The following NLGN1 variants were observed in gnomAD, a reference collection of about 807,000 sequenced individuals.
The protein encoded by NLGN1 is neuroligin-1.
A neutral mutation model predicts 65.5 loss-of-function variants in NLGN1; 12 were observed. That is an observed-to-expected ratio of 0.18 (90% confidence interval 0.12 to 0.30). The LOEUF is 0.30. Among genes scored for constraint, NLGN1 ranks in the 10% least tolerant of loss-of-function variants. The probability of loss-of-function intolerance (pLI) is 1.00; values close to 1 mark genes in which losing one functional copy is unlikely to be tolerated. For missense variants in NLGN1, 750 were observed against 1,007.1 expected (o/e 0.74, Z 3.46); for synonymous variants, 350 against 359.5 (o/e 0.97, Z 0.30).
chr3:173,797,716 C>G (rs1343856149), intron 3 of NLGN1, among the ~76,000 whole-genome samples: 1 of 138,782 alleles, frequency 7.2e-6, no homozygotes, highest in Non-Finnish European at 1.6e-5. Context: ...AAACAAGAAA[C>G]AAACAAGCAA....
At chr3:173,412,311 G>GACACACAC (rs71162345) in intron 1 of NLGN1, among the ~76,000 whole-genome samples, 9,232 of 147,580 alleles carry the variant, frequency 0.063, 654 homozygotes, top group East Asian at 0.4. Context: ...CTCTCACTCT[G>GACACACAC]ACACACACAC....
intron 4 of NLGN1, among the ~76,000 whole-genome samples, chr3:174,076,033 G>A (rs1293754652): frequency 2.0e-5 from 3 of 151,934 alleles, no homozygotes; most frequent in Non-Finnish European, 4.4e-5. Flanking sequence ...CATTCAATTA[G>A]CTCATAATTG....
intron 4 of NLGN1, among the ~76,000 whole-genome samples, chr3:174,151,023 C>CT (rs11363123): frequency 6.0e-4 from 90 of 151,042 alleles, no homozygotes; most frequent in African/African-American, 2.0e-3. Context: ...GGTTCATAGA[C>CT]TTTTTTTTTC....
chr3:173,412,347 G>A (rs1484436126), intron 1 of NLGN1, among the ~76,000 whole-genome samples: 1 of 130,466 alleles, frequency 7.7e-6, no homozygotes, highest in Middle Eastern at 3.4e-3. Context: ...CACACACAGT[G>A]TGCACACATA....
At chr3:173,417,996 T>C (rs1714139760) in intron 1 of NLGN1, among the ~76,000 whole-genome samples, 1 of 151,644 alleles carries the variant, frequency 6.6e-6, no homozygotes, top group African/African-American at 2.4e-5. Flanking sequence ...CAGAATTCTG[T>C]CATCACAAGG....
rs573572912 is a variant in NLGN1 at position 173,469,146 on chromosome 3, A to G, written c.-321+34068A>G. Among the ~76,000 whole-genome samples the G allele has an allele frequency of 9.5e-4, 144 of 152,278 alleles. 1 individual carries two copies. The highest frequency in any genetic ancestry group is 3.4e-3 in the Middle Eastern group (1 of 294). The stretch of plus-strand genomic sequence containing the variant: ...ATAATACACTATTGATACTTCTTGT[A>G]AAGCCTTAATTTTTAAATTTTTTCC... On this transcript the variant is annotated intron_variant, in intron 2 of 6. Coordinates refer to ENST00000457714, the Ensembl canonical transcript of NLGN1.
At chr3:173,491,810 A>T (rs2149014503) in intron 2 of NLGN1, among the ~76,000 whole-genome samples, 1 of 151,834 alleles carries the variant, frequency 6.6e-6, no homozygotes, top group Admixed American at 6.6e-5. Context: ...ATCTGCTCCT[A>T]ATTTAGCTCC....
chr3:173,782,385 A>T (rs1485723019), intron 3 of NLGN1, among the ~76,000 whole-genome samples: 1 of 152,232 alleles, frequency 6.6e-6, no homozygotes, highest in African/African-American at 2.4e-5. Context: ...ACCTCTCAAG[A>T]TACTTTTACC....
chr3:173,605,879 A>G (rs904965694), intron 3 of NLGN1, among the ~76,000 whole-genome samples: 1 of 152,218 alleles, frequency 6.6e-6, no homozygotes, highest in East Asian at 1.9e-4. Flanking sequence ...TACTTAGGCT[A>G]TTATGATACC....
At chr3:173,742,289 A>T (rs1302486029) in intron 3 of NLGN1, among the ~76,000 whole-genome samples, 2 of 152,152 alleles carry the variant, frequency 1.3e-5, no homozygotes, top group African/African-American at 2.4e-5. Flanking sequence ...GAGAACTCAG[A>T]TTCTCTTTTA....
At chr3:173,851,527 T>C (rs956876297) in intron 4 of NLGN1, among the ~76,000 whole-genome samples, 11 of 152,254 alleles carry the variant, frequency 7.2e-5, no homozygotes, top group African/African-American at 2.4e-4. Context: ...AGTGATCTTA[T>C]ACTTTCAAAA....
At chr3:173,950,706 G>A (rs1174240091) in intron 4 of NLGN1, among the ~76,000 whole-genome samples, 1 of 148,516 alleles carries the variant, frequency 6.7e-6, no homozygotes, top group Non-Finnish European at 1.5e-5. Flanking sequence ...CCAGCTACTC[G>A]GGAGGCTGAA....
intron 3 of NLGN1, among the ~76,000 whole-genome samples, chr3:173,691,838 A>G (rs970323183): frequency 6.6e-6 from 1 of 152,222 alleles, no homozygotes; most frequent in East Asian, 1.9e-4. Context: ...AAATGTTTTT[A>G]CTACTAAAGA....
intron 4 of NLGN1, among the ~76,000 whole-genome samples, chr3:174,235,964 T>C (rs1486187866): frequency 6.6e-6 from 1 of 152,200 alleles, no homozygotes; most frequent in Non-Finnish European, 1.5e-5. Context: ...GGCTTATTTA[T>C]TTACTCCTGT....
chr3:173,748,269 A>AT lies in NLGN1; in HGVS notation c.494-59410dup, dbSNP rs557359741. Among the ~76,000 whole-genome samples, 5 of 152,242 alleles carry AT rather than the reference A, an allele frequency of 3.3e-5. No homozygotes were observed. In the South Asian group the frequency reaches 1.0e-3, roughly 32 times the overall value. ...AAGTGTGGAAGATAGATAACAGTTG[A>AT]TCCCTTAGATTTACTCTTGCTGCTG... On this transcript the variant is annotated intron_variant, in intron 3 of 6. Coordinates refer to ENST00000457714, the Ensembl canonical transcript of NLGN1.
chr3:174,025,226 G>A (rs1277464556), intron 4 of NLGN1, among the ~76,000 whole-genome samples: 1 of 152,086 alleles, frequency 6.6e-6, no homozygotes, highest in African/African-American at 2.4e-5. Context: ...TTCAAATGAG[G>A]TCACTAAGGC....
intron 3 of NLGN1, among the ~76,000 whole-genome samples, chr3:173,742,125 CCTT>C (rs1296849059): frequency 6.6e-6 from 1 of 152,094 alleles, no homozygotes; most frequent in African/African-American, 2.4e-5. Flanking sequence ...CCATTCTTCT[CCTT>C]CTCTCCAAGG....
intron 4 of NLGN1, among the ~76,000 whole-genome samples, chr3:174,092,278 T>A (rs1237945413): frequency 6.6e-6 from 1 of 151,866 alleles, no homozygotes; most frequent in Non-Finnish European, 1.5e-5. Flanking sequence ...AAAGAAGACA[T>A]GTAGAGGAAA....
At chr3:173,430,340 A>G (rs1284808941) in intron 1 of NLGN1, among the ~76,000 whole-genome samples, 1 of 152,152 alleles carries the variant, frequency 6.6e-6, no homozygotes, top group Admixed American at 6.5e-5. Flanking sequence ...GAGGGAGAGT[A>G]AAGCCAGATT....
Sources: gnomAD v4.1 joint callset for allele counts (sites outside exome capture counted in the v4.1 genomes callset) on GRCh38, gnomAD v4.1.1 for gene constraint, MANE v1.5 for transcripts, NCBI Gene and HGNC (gene_info 2026-07-23, HGNC 2026-07-21) for gene names.